Variants in MARCHF4 observed in about 807,000 individuals in gnomAD.
The protein encoded by MARCHF4 is E3 ubiquitin-protein ligase MARCHF4.
Under a neutral mutation model 43.9 loss-of-function variants are expected in MARCHF4, and 14 were observed. The observed-to-expected ratio is 0.32, with a 90% CI of 0.21 to 0.50. The LOEUF (loss-of-function observed/expected upper bound fraction) is 0.50. Ranked by LOEUF, MARCHF4 falls within the 20% of genes least tolerant of loss-of-function variation. The pLI, the probability that MARCHF4 is intolerant of heterozygous loss-of-function variation, is 0.98. For synonymous variants in MARCHF4, 226 were observed against 213.3 expected (o/e 1.06, Z -0.52); for missense variants, 468 against 536.7 (o/e 0.87, Z 1.27).
At chr2:216,292,542 T>C (rs990953217) in intron 1 of MARCHF4, among the ~76,000 whole-genome samples, 1 of 152,202 alleles carries the variant, frequency 6.6e-6, no homozygotes, top group Non-Finnish European at 1.5e-5. Flanking sequence ...GTGTCCGTAT[T>C]AGATCATCTC....
chr2:216,366,662 A>G (rs1692670839), intron 1 of MARCHF4, among the ~76,000 whole-genome samples: 1 of 152,148 alleles, frequency 6.6e-6, no homozygotes, highest in Non-Finnish European at 1.5e-5. Flanking sequence ...AGCTCAGATG[A>G]CACATTCTTA....
chr2:216,269,543 A>G (rs758517137), intron 3 of MARCHF4, among the ~76,000 whole-genome samples: 13 of 152,178 alleles, frequency 8.5e-5, no homozygotes, highest in African/African-American at 1.7e-4. Flanking sequence ...GGCGATCTCT[A>G]TATCTAGGCT....
chr2:216,270,341 G>A (rs1347041531), intron 3 of MARCHF4, among the ~76,000 whole-genome samples: 1 of 152,126 alleles, frequency 6.6e-6, no homozygotes, highest in East Asian at 1.9e-4. Flanking sequence ...CTCCCAAAAT[G>A]CTGGGATTAT....
chr2:216,317,994 AACCAGCGC>A (rs1691809482), intron 1 of MARCHF4: 3 of 152,254 alleles, frequency 2.0e-5, no homozygotes, highest in Admixed American at 2.0e-4. Context: ...AAGCAAATGC[AACCAGCGC>A]TTCCGAGGCT....
intron 1 of MARCHF4, among the ~76,000 whole-genome samples, chr2:216,340,693 G>A (rs1692223442): frequency 1.3e-5 from 2 of 152,228 alleles, no homozygotes; most frequent in Admixed American, 6.5e-5. Flanking sequence ...CCCTACCCTT[G>A]AGGATGAGCT....
Position 216,298,979 on chromosome 2 carries a change from G to A in MARCHF4, c.517-15250C>T, listed in dbSNP as rs566118649. Among the ~76,000 whole-genome samples the A allele has an allele frequency of 8.5e-5, 13 of 152,326 alleles. No individual in the cohort carries two copies. In the South Asian group the frequency reaches 2.5e-3, roughly 29 times the overall value. On this transcript the variant is annotated intron_variant, in intron 1 of 3. Transcript: ENST00000273067. Reference sequence around the variant, plus strand: ...ACAAATTTCCACCTATGTCATCTGAGCGTGCCACTATCTGCTGCTATTGCC... The same window carrying A: ...ACAAATTTCCACCTATGTCATCTGAACGTGCCACTATCTGCTGCTATTGCC...
chr2:216,273,202 G>A (rs1004564581), intron 3 of MARCHF4, among the ~76,000 whole-genome samples: 4 of 152,210 alleles, frequency 2.6e-5, no homozygotes, highest in Admixed American at 6.5e-5. Flanking sequence ...GCTCCAAAAG[G>A]AAAGGTAAAT....
intron 1 of MARCHF4, among the ~76,000 whole-genome samples, chr2:216,317,148 G>C (rs771388617): frequency 1.2e-4 from 18 of 152,262 alleles, no homozygotes; most frequent in African/African-American, 3.9e-4. Flanking sequence ...TCTTTCATTG[G>C]CGTCTTTATA....
chr2:216,273,383 G>A (rs1240327861), intron 3 of MARCHF4, among the ~76,000 whole-genome samples: 1 of 152,120 alleles, frequency 6.6e-6, no homozygotes, highest in African/African-American at 2.4e-5. Flanking sequence ...TCTCTTACTC[G>A]GCTTTTTGAG....
At chr2:216,281,089 A>T (rs1200503253) in intron 2 of MARCHF4, among the ~76,000 whole-genome samples, 7 of 133,158 alleles carry the variant, frequency 5.3e-5, no homozygotes, top group Non-Finnish European at 9.3e-5. Flanking sequence ...TTTTTGAGAC[A>T]GGATCTCGCT....
intron 3 of MARCHF4, among the ~76,000 whole-genome samples, chr2:216,263,496 A>AGG (rs1690780757): frequency 2.9e-5 from 1 of 34,936 alleles, no homozygotes; most frequent in Non-Finnish European, 2.1e-4. Flanking sequence ...AGAGAGAAAG[A>AGG]GAGAGAGAGA....
intron 1 of MARCHF4, among the ~76,000 whole-genome samples, chr2:216,343,306 G>T (rs1356929766): frequency 6.6e-6 from 1 of 152,158 alleles, no homozygotes; most frequent in African/African-American, 2.4e-5. Flanking sequence ...AGCATGATTG[G>T]GTTCTGGTGA....
chr2:216,360,227 T>C (rs887061773), intron 1 of MARCHF4, among the ~76,000 whole-genome samples: 6 of 152,218 alleles, frequency 3.9e-5, no homozygotes, highest in African/African-American at 1.2e-4. Context: ...CAGTCACTTA[T>C]ACTTTTTGAT....
intron 1 of MARCHF4, among the ~76,000 whole-genome samples, chr2:216,341,131 A>G (rs1283045759): frequency 2.0e-5 from 3 of 152,220 alleles, no homozygotes; most frequent in Non-Finnish European, 4.4e-5. Context: ...GAGCAGTGCC[A>G]GCAGAATCAT....
At chr2:216,340,411 C>T (rs1692218574) in intron 1 of MARCHF4, among the ~76,000 whole-genome samples, 1 of 152,218 alleles carries the variant, frequency 6.6e-6, no homozygotes, top group South Asian at 2.1e-4. Context: ...CCTGGCTCTC[C>T]TCCTGCAGCC....
At chr2:216,316,274 C>G (rs1559097350) in intron 1 of MARCHF4, among the ~76,000 whole-genome samples, 1 of 152,190 alleles carries the variant, frequency 6.6e-6, no homozygotes, top group Non-Finnish European at 1.5e-5. Context: ...TCTGTGCTTC[C>G]CGGAGAGCAG....
intron 1 of MARCHF4, among the ~76,000 whole-genome samples, chr2:216,297,935 T>G (rs73988363): frequency 0.01 from 1,581 of 152,332 alleles, 23 homozygotes; most frequent in African/African-American, 0.036. Context: ...TCCAGATGGA[T>G]TCTCAGCTTT....
At chr2:216,354,078 T>C (rs1175962165) in intron 1 of MARCHF4, among the ~76,000 whole-genome samples, 2 of 152,198 alleles carry the variant, frequency 1.3e-5, no homozygotes, top group Non-Finnish European at 2.9e-5. Context: ...TCCAGACTTC[T>C]AGGCTGCTAT....
intron 1 of MARCHF4, among the ~76,000 whole-genome samples, chr2:216,359,479 AT>A (rs1256748898): frequency 1.3e-5 from 2 of 152,106 alleles, no homozygotes; most frequent in African/African-American, 4.8e-5. Flanking sequence ...TCACCTAACT[AT>A]GTGTTTAGAA....
Sources: allele counts gnomAD v4.1 joint callset (sites outside exome capture counted in the v4.1 genomes callset), GRCh38; gene constraint gnomAD v4.1.1; transcripts MANE v1.5; gene names NCBI Gene and HGNC (gene_info 2026-07-23, HGNC 2026-07-21).